PIGN: variants seen among roughly 807,000 people sequenced by gnomAD.
The protein encoded by PIGN is GPI ethanolamine phosphate transferase 1.
Under a neutral mutation model 125.4 loss-of-function variants are expected in PIGN, and 117 were observed. The ratio of observed to expected loss-of-function variants is 0.93; its 90% confidence interval spans 0.80 to 1.09. The LOEUF is 1.09. PIGN is among the 50% of genes least tolerant of loss of function. PIGN has a pLI of 0.00. For synonymous variants in PIGN, 392 were observed against 377.8 expected (o/e 1.04, Z -0.44); for missense variants, 1,075 against 1,094.9 (o/e 0.98, Z 0.26).
At chr18:62,140,539 A>T (rs1194269005) in intron 11 of PIGN, 60 bp from the exon 12 acceptor site, 2 of 791,404 alleles carry the variant, frequency 2.5e-6, no homozygotes, top group East Asian at 5.4e-5. Flanking sequence ...AAATTAAATA[A>T]TGTAATGCAA....
At chr18:62,106,112 C>A (rs1253617042) in intron 19 of PIGN, among the ~76,000 whole-genome samples, 1 of 151,952 alleles carries the variant, frequency 6.6e-6, no homozygotes, top group African/African-American at 2.4e-5. Context: ...ACAACTGAGC[C>A]CAGAAGGAAA....
At chr18:62,053,538 C>T (rs756358116) in intron 30 of PIGN, among the ~76,000 whole-genome samples, 4 of 152,146 alleles carry the variant, frequency 2.6e-5, no homozygotes, top group Admixed American at 6.5e-5. Flanking sequence ...CGTGACCAAA[C>T]CACATGCTGT....
intron 14 of PIGN, 77 bp downstream of exon 14, chr18:62,138,166 C>G: frequency 6.6e-7 from 1 of 1,518,520 alleles, no homozygotes; most frequent in Non-Finnish European, 8.9e-7. Context: ...TAAACTAATC[C>G]TATCACTCAG....
intron 1 of PIGN, among the ~76,000 whole-genome samples, chr18:62,171,402 A>G (rs2147826784): frequency 6.6e-6 from 1 of 152,300 alleles, no homozygotes; most frequent in Middle Eastern, 3.4e-3. Flanking sequence ...GGAGATAATT[A>G]GGTTATCTAT....
chr18:62,110,123 G>A, intron 16 of PIGN, 150 bp from the exon 17 acceptor site: 2 of 638,064 alleles, frequency 3.1e-6, no homozygotes, highest in African/African-American at 1.8e-5. Flanking sequence ...TTAAGACAAG[G>A]AAAAAAATCT....
intron 21 of PIGN, 85 bp from the exon 22 acceptor site, chr18:62,101,268 G>C: frequency 1.3e-6 from 1 of 771,346 alleles, no homozygotes; most frequent in Non-Finnish European, 2.2e-6. Flanking sequence ...TCTTATTTCT[G>C]AGACATTAAA....
intron 14 of PIGN, among the ~76,000 whole-genome samples, chr18:62,134,380 G>C (rs1014917142): frequency 4.6e-5 from 7 of 152,148 alleles, no homozygotes; most frequent in Non-Finnish European, 1.0e-4. Context: ...AACAGAACGA[G>C]AGTCAGTCTC....
At chr18:62,169,563 T>G (rs2147797049) in intron 1 of PIGN, among the ~76,000 whole-genome samples, 1 of 152,010 alleles carries the variant, frequency 6.6e-6, no homozygotes, top group African/African-American at 2.4e-5. Flanking sequence ...CTGCTTTCAT[T>G]TCTCTTCAGT....
intron 16 of PIGN, 198 bp from the exon 17 acceptor site, chr18:62,110,171 T>TTTGCTGCAATCTAGGAAA: frequency 2.2e-6 from 1 of 447,076 alleles, no homozygotes; most frequent in Non-Finnish European, 3.9e-6. Flanking sequence ...AAAACCTAGA[T>TTTGCTGCAATCTAGGAAA]AACCTGGAAT....
At chr18:62,094,344 A>G (rs1431821811) in intron 23 of PIGN, among the ~76,000 whole-genome samples, 1 of 152,160 alleles carries the variant, frequency 6.6e-6, no homozygotes, top group Non-Finnish European at 1.5e-5. Flanking sequence ...TTCAAAAAAG[A>G]GAAAGGCCTA....
At chr18:62,177,384 T>C (rs977755275) in intron 1 of PIGN, among the ~76,000 whole-genome samples, 1 of 152,196 alleles carries the variant, frequency 6.6e-6, no homozygotes, top group Non-Finnish European at 1.5e-5. Flanking sequence ...ATATCTCTTT[T>C]GATGCTCTTA....
At chr18:62,017,952 CA>C (rs1359563158) in intron 23 of PIGN, among the ~76,000 whole-genome samples, 1 of 152,166 alleles carries the variant, frequency 6.6e-6, no homozygotes, top group Non-Finnish European at 1.5e-5. Context: ...GCAAAAGAGA[CA>C]GGGACAATGA....
At chr18:62,168,698 T>C (rs1189314356) in intron 1 of PIGN, among the ~76,000 whole-genome samples, 6 of 152,160 alleles carry the variant, frequency 3.9e-5, no homozygotes. Flanking sequence ...ATAATGTTCT[T>C]TATAGCATTT....
chr18:62,088,948 T>G (rs912654785), intron 24 of PIGN, 106 bp from the exon 25 acceptor site: 20 of 642,944 alleles, frequency 3.1e-5, no homozygotes, highest in Non-Finnish European at 2.8e-6. Flanking sequence ...AAACATGCCC[T>G]GTGCTGACAA....
rs1381878384 is a variant in PIGN, at chr18:62,109,969, G to A, written c.1439C>T (p.Pro480Leu). 6.2e-7 allele frequency: 1 copy of A among 1,613,098 alleles called. No individual in the cohort carries two copies. Among genetic ancestry groups the A allele is most frequent in the Admixed American group, 1.7e-5 (1 of 59,952 alleles). Residue 480 changes from proline (P) to leucine (L), a missense_variant, in exon 17 of 31, where the codon CCA becomes CTA. By Grantham distance (98) the Pro-to-Leu change is moderately conservative (BLOSUM62 -3). Transcript: ENST00000640252. ...AAAACTACAAGGCAGGAGATGGCTT[G>A]GTTTCTGAAAAATCAAACAAAACAT... The part of the protein sequence containing the change: ...IKGVSKEVKK[P>L]SHLLPCSFVA...
At chr18:62,126,839 C>G (rs1376645317) in intron 14 of PIGN, among the ~76,000 whole-genome samples, 1 of 152,192 alleles carries the variant, frequency 6.6e-6, no homozygotes, top group African/African-American at 2.4e-5. Flanking sequence ...AGATCCACAA[C>G]TGAACTTGAC....
intron 30 of PIGN, chr18:62,052,720 T>C (rs1341613932): frequency 6.3e-6 from 1 of 158,810 alleles, no homozygotes; most frequent in African/African-American, 2.4e-5. Context: ...TTAATATTGT[T>C]ATGTGTGAAT....
At chr18:62,035,144 G>T (rs762693171) in intron 23 of PIGN, among the ~76,000 whole-genome samples, 8 of 152,146 alleles carry the variant, frequency 5.3e-5, no homozygotes, top group Non-Finnish European at 8.8e-5. Flanking sequence ...TGTGAGACAT[G>T]ACTTTGCTCC....
intron 7 of PIGN, among the ~76,000 whole-genome samples, chr18:62,150,701 G>T (rs1035868872): frequency 1.1e-4 from 16 of 148,860 alleles, no homozygotes; most frequent in Admixed American, 2.7e-4. Context: ...TATTTTTTTT[G>T]TTTGTTTGTT....
Sources: gnomAD v4.1 joint callset for allele counts (sites outside exome capture counted in the v4.1 genomes callset) on GRCh38, gnomAD v4.1.1 for gene constraint, MANE v1.5 for transcripts, NCBI Gene and HGNC (gene_info 2026-07-23, HGNC 2026-07-21) for gene names.